The following SYT9 variants were observed in gnomAD, a reference collection of about 807,000 sequenced individuals.
SYT9 encodes the protein synaptotagmin-9.
SYT9 carries 22 observed loss-of-function variants against 48.4 expected under a neutral mutation model. That is an observed-to-expected ratio of 0.45 (90% confidence interval 0.32 to 0.65). The LOEUF is 0.65. SYT9 is among the 30% of genes least tolerant of loss of function. SYT9 has a pLI of 0.03. For missense variants in SYT9, 577 were observed against 622.0 expected, an observed-to-expected ratio of 0.93 and a Z score of 0.77; for synonymous variants, 265 against 245.0, an observed-to-expected ratio of 1.08 and a Z score of -0.76.
intron 1 of SYT9, among the ~76,000 whole-genome samples, chr11:7,278,537 C>G (rs1290106076): frequency 4.6e-5 from 7 of 152,188 alleles, no homozygotes; most frequent in African/African-American, 1.7e-4. Context: ...GAAGCTGCCC[C>G]TCATTCCCAC....
chr11:7,245,242 A>G (rs775435033), intron 1 of SYT9, among the ~76,000 whole-genome samples: 6 of 152,190 alleles, frequency 3.9e-5, no homozygotes, highest in Admixed American at 2.0e-4. Flanking sequence ...GTAAAATGGA[A>G]ACATAATGTG....
At chr11:7,304,702 G>C (rs1849002034) in intron 2 of SYT9, among the ~76,000 whole-genome samples, 1 of 152,164 alleles carries the variant, frequency 6.6e-6, no homozygotes. Flanking sequence ...ATGGGTAGTT[G>C]TCTGCCGTTT....
chr11:7,420,145 G>A (rs1346301518), intron 5 of SYT9, among the ~76,000 whole-genome samples: 1 of 152,134 alleles, frequency 6.6e-6, no homozygotes, highest in Non-Finnish European at 1.5e-5. Context: ...GCCTCTTGTG[G>A]GAATTAGAGC....
chr11:7,264,890 G>A (rs1398505665), intron 1 of SYT9, among the ~76,000 whole-genome samples: 3 of 152,156 alleles, frequency 2.0e-5, no homozygotes, highest in Non-Finnish European at 4.4e-5. Flanking sequence ...TGGGGGAAGC[G>A]ACCTGAGGAA....
intron 1 of SYT9, among the ~76,000 whole-genome samples, chr11:7,266,448 A>G (rs1204755253): frequency 6.6e-6 from 1 of 152,042 alleles, no homozygotes; most frequent in Non-Finnish European, 1.5e-5. Context: ...CATTGATTCT[A>G]ACTCCACACT....
chr11:7,296,021 C>T (rs1193200283), intron 1 of SYT9, among the ~76,000 whole-genome samples: 1 of 152,118 alleles, frequency 6.6e-6, no homozygotes, highest in African/African-American at 2.4e-5. Context: ...TGCAGGAAGC[C>T]TCAGTATTTA....
chr11:7,322,640 A>T (rs1166271646), intron 3 of SYT9, among the ~76,000 whole-genome samples: 2 of 152,188 alleles, frequency 1.3e-5, no homozygotes, highest in Non-Finnish European at 2.9e-5. Context: ...CTTTTATTCT[A>T]GTGAGGGTGC....
At chr11:7,454,237 C>A in intron 6 of SYT9, 2 of 985,372 alleles carry the variant, frequency 2.0e-6, no homozygotes, top group Non-Finnish European at 2.4e-6. Flanking sequence ...TCTCTCTAGC[C>A]CTTAGTTGAT....
At chr11:7,314,999 C>G (rs1280906468) in intron 3 of SYT9, among the ~76,000 whole-genome samples, 1 of 152,242 alleles carries the variant, frequency 6.6e-6, no homozygotes, top group Non-Finnish European at 1.5e-5. Context: ...GAACTAGGGA[C>G]TCACCCATGC....
At chr11:7,462,657 A>C (rs1848255955) in intron 6 of SYT9, among the ~76,000 whole-genome samples, 1 of 152,248 alleles carries the variant, frequency 6.6e-6, no homozygotes, top group South Asian at 2.1e-4. Flanking sequence ...TGTGGTAAGC[A>C]ATAAATAGTC....
chr11:7,463,805 G>C (rs979131246), intron 6 of SYT9, among the ~76,000 whole-genome samples: 5 of 152,204 alleles, frequency 3.3e-5, no homozygotes, highest in African/African-American at 9.7e-5. Context: ...GAGACCAGTA[G>C]GCTGCACCGC....
chr11:7,420,393 C>T (rs1025136050), intron 5 of SYT9, 113 bp from the exon 6 acceptor site: 4 of 1,381,358 alleles, frequency 2.9e-6, no homozygotes, highest in South Asian at 2.8e-5. Context: ...AAAAAACAAA[C>T]AAACAAACAA....
chr11:7,338,708 A>G (rs573041992), intron 3 of SYT9, among the ~76,000 whole-genome samples: 1 of 151,908 alleles, frequency 6.6e-6, no homozygotes, highest in Non-Finnish European at 1.5e-5. Flanking sequence ...ATGATCTGAG[A>G]GTGTGTTTAG....
At chr11:7,438,129 G>T (rs1434271406) in intron 6 of SYT9, 1 of 152,202 alleles carries the variant, frequency 6.6e-6, no homozygotes, top group Non-Finnish European at 1.5e-5. Context: ...TTCAAATTTT[G>T]TATAGATGGG....
intron 1 of SYT9, among the ~76,000 whole-genome samples, chr11:7,293,317 C>A (rs557397233): frequency 1.1e-4 from 17 of 152,222 alleles, no homozygotes; most frequent in Admixed American, 5.2e-4. Flanking sequence ...TTCCATGTTC[C>A]AATTCATTTT....
intron 1 of SYT9, among the ~76,000 whole-genome samples, chr11:7,241,668 C>T (rs1369554439): frequency 1.3e-5 from 2 of 152,208 alleles, no homozygotes; most frequent in African/African-American, 2.4e-5. Flanking sequence ...AGAATAACAA[C>T]AGCACAGAGT....
At chr11:7,311,367 G>A (rs1191330696) in intron 2 of SYT9, among the ~76,000 whole-genome samples, 1 of 152,214 alleles carries the variant, frequency 6.6e-6, no homozygotes, top group Admixed American at 6.5e-5. Flanking sequence ...CTACAGACAA[G>A]GGTGAAGACA....
intron 2 of SYT9, among the ~76,000 whole-genome samples, chr11:7,313,186 C>A (rs1849172170): frequency 6.6e-6 from 1 of 152,104 alleles, no homozygotes; most frequent in African/African-American, 2.4e-5. Flanking sequence ...TTTCCTGATA[C>A]CAAGCCTCAG....
chr11:7,418,576 T>C (rs1008624685), intron 5 of SYT9, among the ~76,000 whole-genome samples: 3 of 152,372 alleles, frequency 2.0e-5, no homozygotes, highest in Non-Finnish European at 2.9e-5. Context: ...CTTCAATCTT[T>C]TTCCTTCTCA....
Sources: allele counts gnomAD v4.1 joint callset (sites outside exome capture counted in the v4.1 genomes callset), GRCh38; gene constraint gnomAD v4.1.1; transcripts MANE v1.5; gene names NCBI Gene and HGNC (gene_info 2026-07-23, HGNC 2026-07-21).